PCSK5: variants seen among roughly 807,000 people sequenced by gnomAD.
The protein encoded by PCSK5 is prohormone convertase 5.
In PCSK5, 129 loss-of-function variants were observed where a neutral mutation model predicts 233.2. The ratio of observed to expected loss-of-function variants is 0.55; its 90% CI spans 0.48 to 0.64. The LOEUF is 0.64. PCSK5 is among the 30% of genes least tolerant of loss of function. The pLI, the probability that PCSK5 is intolerant of heterozygous loss-of-function variation, is 0.00. For synonymous variants in PCSK5, 825 were observed against 879.2 expected (o/e 0.94, Z 1.09); for missense variants, 2,076 against 2,430.1 (o/e 0.85, Z 3.06).
chr9:76,295,164 A>G, intron 25 of PCSK5, 111 bp from the exon 26 acceptor site: 1 of 1,004,720 alleles, frequency 1.0e-6, no homozygotes, highest in Non-Finnish European at 1.4e-6. Flanking sequence ...AAACAAAACA[A>G]AACAAAACGA....
chr9:76,277,150 A>C (rs1284796369), intron 24 of PCSK5, among the ~76,000 whole-genome samples: 1 of 152,122 alleles, frequency 6.6e-6, no homozygotes, highest in Non-Finnish European at 1.5e-5. Context: ...GAATCGCCTG[A>C]ATCTGGGAGC....
chr9:75,977,050 A>T (rs1371363080), intron 2 of PCSK5, among the ~76,000 whole-genome samples: 6 of 152,194 alleles, frequency 3.9e-5, no homozygotes, highest in Non-Finnish European at 8.8e-5. Flanking sequence ...CATAGGTTTC[A>T]TTGAGTTGAT....
chr9:76,126,070 A>G (rs1832838207), intron 9 of PCSK5, among the ~76,000 whole-genome samples: 1 of 152,208 alleles, frequency 6.6e-6, no homozygotes, highest in Non-Finnish European at 1.5e-5. Context: ...AAGAAAGTTA[A>G]AAATTATTTT....
At position 76,107,422 on chromosome 9, in the gene PCSK5, T is replaced by C. The variant is rs552219258; in HGVS notation, c.1208+71T>C. Reference sequence around the variant, plus strand: ...CTCAGGGAAAACGTACCCCTTCCCTTGTATAGGACCCCTAGCATGACAACC... The same window carrying C: ...CTCAGGGAAAACGTACCCCTTCCCTCGTATAGGACCCCTAGCATGACAACC... On this transcript the variant is annotated intron_variant, in intron 9 of 37. Coordinates refer to ENST00000674117, the MANE Select transcript of PCSK5 (RefSeq NM_001372043.1). 60 of 859,766 alleles carry C rather than the reference T, an allele frequency of 7.0e-5. No individual in the cohort carries two copies. The South Asian group carries it at 9.1e-4, about 13-fold the overall frequency. 53.3% of individuals were successfully genotyped at this position (859,766 alleles called of 1,614,324 possible).
intron 1 of PCSK5, among the ~76,000 whole-genome samples, chr9:75,929,948 C>T (rs563349276): frequency 4.6e-5 from 7 of 151,840 alleles, no homozygotes; most frequent in East Asian, 1.9e-4. Context: ...CTGCAACCTC[C>T]GCCTCCCAGA....
At chr9:76,084,270 C>G (rs2131626599) in intron 7 of PCSK5, among the ~76,000 whole-genome samples, 1 of 152,282 alleles carries the variant, frequency 6.6e-6, no homozygotes, top group Non-Finnish European at 1.5e-5. Flanking sequence ...ATCTGACATC[C>G]AAGTATCAAA....
intron 1 of PCSK5, among the ~76,000 whole-genome samples, chr9:75,916,896 C>A (rs1301527670): frequency 6.6e-6 from 1 of 151,930 alleles, no homozygotes; most frequent in African/African-American, 2.4e-5. Context: ...CAGGGCCAGG[C>A]GAGGTGGCTC....
intron 3 of PCSK5, among the ~76,000 whole-genome samples, chr9:75,989,333 A>T (rs974348999): frequency 2.0e-5 from 3 of 152,116 alleles, no homozygotes; most frequent in Admixed American, 6.6e-5. Context: ...TCTGTACCAA[A>T]AATACAAAAA....
intron 20 of PCSK5, among the ~76,000 whole-genome samples, chr9:76,204,712 A>G (rs1825046268): frequency 6.6e-6 from 1 of 152,070 alleles, no homozygotes; most frequent in African/African-American, 2.4e-5. Context: ...ATACCCCATA[A>G]TTAGCACAGT....
chr9:75,894,259 G>GT (rs1035147291), intron 1 of PCSK5, among the ~76,000 whole-genome samples: 2 of 152,146 alleles, frequency 1.3e-5, no homozygotes, highest in Admixed American at 1.3e-4. Context: ...TAAAGGTATA[G>GT]TTTTGACCAT....
intron 27 of PCSK5, among the ~76,000 whole-genome samples, chr9:76,300,016 AGT>A (rs1828556382): frequency 6.6e-6 from 1 of 152,258 alleles, no homozygotes; most frequent in Non-Finnish European, 1.5e-5. Flanking sequence ...TTCTGCTGAT[AGT>A]CTAATCTACA....
chr9:76,090,814 A>G (rs1401667957), intron 7 of PCSK5, among the ~76,000 whole-genome samples: 1 of 152,196 alleles, frequency 6.6e-6, no homozygotes, highest in South Asian at 2.1e-4. Flanking sequence ...ATGAAATTAT[A>G]CAACTCACCA....
At chr9:76,105,195 A>G (rs916085040) in intron 8 of PCSK5, among the ~76,000 whole-genome samples, 6 of 152,258 alleles carry the variant, frequency 3.9e-5, no homozygotes, top group Admixed American at 3.9e-4. Context: ...GAATATACTC[A>G]GCCTTATAAA....
chr9:75,934,847 A>G (rs935655042), intron 2 of PCSK5, among the ~76,000 whole-genome samples: 9 of 151,926 alleles, frequency 5.9e-5, no homozygotes, highest in Non-Finnish European at 1.0e-4. Context: ...AGCCTCCCAA[A>G]GTGCTGGGAT....
At chr9:76,026,055 C>T (rs1347992836) in intron 4 of PCSK5, among the ~76,000 whole-genome samples, 4 of 152,036 alleles carry the variant, frequency 2.6e-5, no homozygotes, top group Admixed American at 6.6e-5. Flanking sequence ...TGAGCCAAGC[C>T]GTGATCACAC....
At chr9:76,114,503 T>A (rs987658488) in intron 9 of PCSK5, among the ~76,000 whole-genome samples, 11 of 152,122 alleles carry the variant, frequency 7.2e-5, no homozygotes, top group Admixed American at 1.3e-4. Context: ...GAGATGTCTA[T>A]TATAACTGGA....
chr9:76,308,870 G>T, intron 29 of PCSK5, 142 bp downstream of exon 29: 2 of 605,262 alleles, frequency 3.3e-6, no homozygotes, highest in East Asian at 2.8e-5. Context: ...CTACTCGGGA[G>T]ACACACAGGG....
intron 3 of PCSK5, among the ~76,000 whole-genome samples, chr9:76,009,520 G>T (rs944074792): frequency 2.0e-5 from 3 of 151,714 alleles, no homozygotes; most frequent in Non-Finnish European, 4.4e-5. Flanking sequence ...CCAGCTACTC[G>T]GGAGGCTGAG....
Position 75,908,921 on chromosome 9 carries a change from ATCTCTCTATCTC to A in PCSK5, c.192+17556_192+17567del, listed in dbSNP as rs1281042414. On this transcript the variant is annotated intron_variant, in intron 1 of 37. Transcript: ENST00000674117. ...TATCTATCTATCTATCTATCTATCT[ATCTCTCTATCTC>A]TCTCTCTGTCTATCTATCTATCTAT... is the stretch of plus-strand genomic sequence containing the variant. Among the ~76,000 whole-genome samples the A allele has an allele frequency of 3.4e-3, 390 of 113,454 alleles. 1 individual carries two copies. Among genetic ancestry groups the A allele is most frequent in the African/African-American group, 0.012 (379 of 31,520 alleles). 74.4% of individuals were successfully genotyped at this position (113,454 alleles called of 152,430 possible).
Sources: allele counts gnomAD v4.1 joint callset (sites outside exome capture counted in the v4.1 genomes callset), GRCh38; gene constraint gnomAD v4.1.1; transcripts MANE v1.5; gene names NCBI Gene and HGNC (gene_info 2026-07-23, HGNC 2026-07-21).